The following SNAP25 variants were observed in gnomAD, a reference collection of about 807,000 sequenced individuals.
The protein encoded by SNAP25 is synaptosome associated protein 25, also known as synaptosomal-associated protein 25.
Under a neutral mutation model 28.7 loss-of-function variants are expected in SNAP25, and 3 were observed. The observed-to-expected ratio is 0.10, with a 90% CI of 0.05 to 0.27. The LOEUF is 0.27. Ranked by LOEUF, SNAP25 falls within the 10% of genes least tolerant of loss-of-function variation. The pLI is 1.00. For missense variants in SNAP25, 117 were observed against 278.7 expected (o/e 0.42, Z 4.13); for synonymous variants, 61 against 88.1 (o/e 0.69, Z 1.72).
At chr20:10,241,067 G>T (rs1383188502) in intron 1 of SNAP25, among the ~76,000 whole-genome samples, 2 of 152,118 alleles carry the variant, frequency 1.3e-5, no homozygotes, top group Non-Finnish European at 2.9e-5. Context: ...AGGGCTGCGT[G>T]CCCTGCTCAA....
intron 1 of SNAP25, chr20:10,231,591 G>A (rs1054234867): frequency 2.6e-5 from 4 of 152,176 alleles, no homozygotes; most frequent in Non-Finnish European, 5.9e-5. Flanking sequence ...TACACTCAGA[G>A]GTCTTGGCCT....
Position 10,293,393 on chromosome 20 carries a change from A to C in SNAP25, c.281+115A>C. On this transcript the variant is annotated intron_variant, in intron 5 of 7. Transcript: ENST00000254976. This position sits in a 1 kb window ranked among gnomAD's most constrained non-coding sequence, Gnocchi z 5.6. ...GATGAGCATGTGGCATGCAGAACAG[A>C]TCAATACCGTCTCCAATGCATTCAT... 2.8e-6 allele frequency: 2 copies of C among 726,618 alleles called. 1 individual carries two copies. 45.0% of individuals were successfully genotyped at this position (726,618 alleles called of 1,614,324 possible).
chr20:10,238,323 T>C (rs1387493833), intron 1 of SNAP25, among the ~76,000 whole-genome samples: 1 of 152,198 alleles, frequency 6.6e-6, no homozygotes, highest in African/African-American at 2.4e-5. Context: ...GATTTGTACA[T>C]AAGCATCAGG....
chr20:10,220,052 A>T lies in SNAP25; in HGVS notation c.-64+1075A>T, dbSNP rs543317952. On this transcript the variant is annotated intron_variant, in intron 1 of 7. Transcript: ENST00000254976. ...GGTTTTTGTTTGGTTTTGTTTTTTA[A>T]CACAGAGTAGATCTGTCTACAGATC... Among the ~76,000 whole-genome samples, 3 of 152,210 alleles carry T rather than the reference A, an allele frequency of 2.0e-5. No homozygotes were observed. The South Asian group carries it at 6.2e-4, about 32-fold the overall frequency.
chr20:10,292,435 G>A (rs2064018600), intron 4 of SNAP25, among the ~76,000 whole-genome samples: 1 of 152,118 alleles, frequency 6.6e-6, no homozygotes, highest in Non-Finnish European at 1.5e-5. Context: ...AGAAGAAAAT[G>A]GATTCTATTT....
intron 1 of SNAP25, among the ~76,000 whole-genome samples, chr20:10,259,515 C>CA (rs2063375245): frequency 6.6e-6 from 1 of 152,062 alleles, no homozygotes. Flanking sequence ...TTTAAAGGAC[C>CA]AGCTAATCAG....
intron 1 of SNAP25, among the ~76,000 whole-genome samples, chr20:10,220,932 A>G (rs184671623): frequency 2.0e-5 from 3 of 152,026 alleles, no homozygotes; most frequent in South Asian, 2.1e-4. Context: ...ATAGATGACC[A>G]TGTGTTTCCA....
chr20:10,277,468 G>A (rs1350134538), intron 2 of SNAP25, among the ~76,000 whole-genome samples: 1 of 152,174 alleles, frequency 6.6e-6, no homozygotes, highest in Non-Finnish European at 1.5e-5. Context: ...CTGAAGATAA[G>A]CTGTAATGTA....
chr20:10,277,928 C>T (rs758281488), intron 3 of SNAP25: 64 of 525,132 alleles, frequency 1.2e-4, no homozygotes, highest in Non-Finnish European at 1.9e-4. Context: ...CCTTCCCAGC[C>T]CAAGCCACCT....
chr20:10,285,391 C>T lies in SNAP25; in HGVS notation c.163+619C>T, dbSNP rs141701640. On this transcript the variant is annotated intron_variant, in intron 4 of 7. Coordinates refer to ENST00000254976, the MANE Select transcript of SNAP25 (RefSeq NM_130811.4). ...GCATTTTAATATAGCATCTCTATAC[C>T]TAACATGGAAACTGAAAAGGGTAAT... is the stretch of plus-strand genomic sequence containing the variant. 8.1e-3 allele frequency among the ~76,000 whole-genome samples: 1,232 copies of T among 152,218 alleles called. 8 individuals are homozygous for T. The highest frequency in any genetic ancestry group is 0.013 in the Non-Finnish European group (892 of 68,008).
intron 1 of SNAP25, among the ~76,000 whole-genome samples, chr20:10,272,659 C>T (rs191809099): frequency 4.6e-5 from 7 of 152,296 alleles, no homozygotes; most frequent in South Asian, 2.1e-4. Flanking sequence ...CATCATCTCA[C>T]GAGCACATGT....
At chr20:10,297,251 C>T (rs770965481) in intron 6 of SNAP25, among the ~76,000 whole-genome samples, 14 of 152,156 alleles carry the variant, frequency 9.2e-5, no homozygotes, top group Non-Finnish European at 1.8e-4. Context: ...TGGTGGTTGG[C>T]TGGGGCTGTT....
intron 3 of SNAP25, 36 bp downstream of exon 3, chr20:10,277,762 A>G: frequency 6.3e-7 from 1 of 1,584,472 alleles, no homozygotes; most frequent in Non-Finnish European, 8.7e-7. Context: ...AAAGGAACAA[A>G]TCCCTTATGC....
chr20:10,294,806 A>T (rs904626542), intron 5 of SNAP25, among the ~76,000 whole-genome samples: 2 of 147,038 alleles, frequency 1.4e-5, no homozygotes, highest in Non-Finnish European at 3.0e-5. Context: ...AAAAAAAAAA[A>T]GCCTCATTAC....
In SNAP25 at chr20:10,275,442, C is replaced by G; in HGVS notation, c.-50C>G. On this transcript the variant is annotated 5_prime_UTR_variant, in exon 2 of 8. Coordinates refer to ENST00000254976, the MANE Select transcript of SNAP25 (RefSeq NM_130811.4). ...ACTTCTTCCCAGGTCCAGAGCCAAA[C>G]CCGTCACTGACCCCCCAGCCCAGGC... The G allele has an allele frequency of 6.5e-7, 1 of 1,538,278 alleles. No individual in the cohort carries two copies. The highest frequency in any genetic ancestry group is 8.8e-7 in the Non-Finnish European group (1 of 1,131,572).
chr20:10,263,624 G>A (rs1197648726), intron 1 of SNAP25, among the ~76,000 whole-genome samples: 1 of 152,056 alleles, frequency 6.6e-6, no homozygotes, highest in Non-Finnish European at 1.5e-5. Context: ...CTTTTATTGT[G>A]GCCAAGTGTT....
intron 7 of SNAP25, among the ~76,000 whole-genome samples, chr20:10,303,425 G>T (rs981639010): frequency 3.9e-5 from 6 of 152,118 alleles, no homozygotes; most frequent in African/African-American, 1.4e-4. Context: ...TGATTAATCT[G>T]GAAATATGTT....
rs112632869 is a variant in SNAP25, at chr20:10,244,733, C to CTTT, written c.-64+25769_-64+25771dup. On this transcript the variant is annotated intron_variant, in intron 1 of 7. Transcript: ENST00000254976. ...TTTTTGTTTCTTTCTTTCTTTCTCT[C>CTTT]TTTTTTTTTTTTTTTGAGATGGAGT... is the stretch of plus-strand genomic sequence containing the variant. Among the ~76,000 whole-genome samples the CTTT allele has an allele frequency of 7.8e-4, 109 of 140,580 alleles. 1 individual carries two copies. The South Asian group carries it at 7.9e-3, about 10-fold the overall frequency. 92.2% of individuals were successfully genotyped at this position (140,580 alleles called of 152,430 possible).
At chr20:10,297,115 G>C in intron 6 of SNAP25, 65 bp downstream of exon 6, 1 of 1,455,588 alleles carries the variant, frequency 6.9e-7, no homozygotes. Flanking sequence ...CTCCAAAACT[G>C]AGTGGTTTTC....
Sources: gnomAD v4.1 joint callset for allele counts (sites outside exome capture counted in the v4.1 genomes callset) on GRCh38, gnomAD v4.1.1 for gene constraint, Gnocchi (gnomAD v3.1) non-coding constraint, MANE v1.5 for transcripts, NCBI Gene and HGNC (gene_info 2026-07-23, HGNC 2026-07-21) for gene names.